Variants in ATAD2B observed in about 807,000 individuals in gnomAD.
ATAD2B encodes ATPase family AAA domain-containing protein 2B.
In ATAD2B, 40 loss-of-function variants were observed where a neutral mutation model predicts 167.6. The ratio of observed to expected loss-of-function variants is 0.24; its 90% CI spans 0.19 to 0.31. The LOEUF is 0.31. Among genes scored for constraint, ATAD2B ranks in the 10% least tolerant of loss-of-function variants. The pLI is 1.00. For missense variants in ATAD2B, 1,242 were observed against 1,757.2 expected, an observed-to-expected ratio of 0.71 and a Z score of 5.24; for synonymous variants, 579 against 596.5, an observed-to-expected ratio of 0.97 and a Z score of 0.43.
At chr2:23,847,256 A>C (rs1224699668) in intron 13 of ATAD2B, among the ~76,000 whole-genome samples, 1 of 150,312 alleles carries the variant, frequency 6.7e-6, no homozygotes. Context: ...CTGTAATCCC[A>C]GCACTTTGGG....
intron 23 of ATAD2B, among the ~76,000 whole-genome samples, chr2:23,763,367 T>C (rs985250299): frequency 1.3e-5 from 2 of 152,220 alleles, no homozygotes; most frequent in Admixed American, 1.3e-4. Context: ...AGATACAATT[T>C]ATATAACATA....
intron 6 of ATAD2B, among the ~76,000 whole-genome samples, chr2:23,881,519 G>A (rs1462625275): frequency 5.3e-5 from 8 of 151,286 alleles, no homozygotes; most frequent in Non-Finnish European, 1.5e-5. Context: ...GTGCCACCAC[G>A]CCCGGCTCAT....
chr2:23,799,300 C>T (rs552664092), intron 18 of ATAD2B, among the ~76,000 whole-genome samples: 11 of 152,170 alleles, frequency 7.2e-5, no homozygotes, highest in African/African-American at 2.4e-4. Context: ...TAGCTGGGCA[C>T]GGTGGCTCAC....
At chr2:23,898,765 G>A (rs1175730448) in intron 1 of ATAD2B, among the ~76,000 whole-genome samples, 2 of 152,202 alleles carry the variant, frequency 1.3e-5, no homozygotes, top group Non-Finnish European at 2.9e-5. Context: ...AACTTTGAGA[G>A]GTCAAGGCAG....
At chr2:23,695,856 C>T in the ATAD2B span, 2 of 1,538,982 alleles carry the variant, frequency 1.3e-6, no homozygotes, top group South Asian at 1.2e-5. The surrounding 1 kb of genome is among the most constrained non-coding windows in gnomAD (Gnocchi z 7.6). Context: ...TCCCAAGAAG[C>T]AGTGTCTTGG....
chr2:23,840,630 T>C (rs1690731122), intron 13 of ATAD2B, among the ~76,000 whole-genome samples: 3 of 152,272 alleles, frequency 2.0e-5, no homozygotes, highest in South Asian at 4.1e-4. Flanking sequence ...AGGCACATTA[T>C]ATGATCAATT....
intron 23 of ATAD2B, among the ~76,000 whole-genome samples, chr2:23,764,486 C>T (rs1466191220): frequency 6.6e-6 from 1 of 152,138 alleles, no homozygotes; most frequent in Non-Finnish European, 1.5e-5. Flanking sequence ...ATCACAAGCT[C>T]CTTAGCATGG....
intron 27 of ATAD2B, 37 bp downstream of exon 27, chr2:23,754,142 A>C: frequency 6.9e-7 from 1 of 1,438,962 alleles, no homozygotes; most frequent in Non-Finnish European, 9.2e-7. Flanking sequence ...AGTAAAATCA[A>C]GTATTTGTTT....
chr2:23,875,746 G>T, intron 8 of ATAD2B, 83 bp downstream of exon 8: 1 of 886,990 alleles, frequency 1.1e-6, no homozygotes, highest in Non-Finnish European at 1.8e-6. Context: ...GATGACAACT[G>T]TTAGTCACTA....
At chr2:23,717,180 G>C in the ATAD2B span, among the ~76,000 whole-genome samples, 3 of 152,186 alleles carry the variant, frequency 2.0e-5, no homozygotes, top group South Asian at 2.1e-4. Flanking sequence ...TAATACCTAC[G>C]AGACTGTGGT....
intron 2 of ATAD2B, among the ~76,000 whole-genome samples, chr2:23,894,052 T>A (rs187938381): frequency 3.8e-4 from 58 of 152,242 alleles, no homozygotes; most frequent in African/African-American, 1.4e-3. Flanking sequence ...ATTAGTTCAG[T>A]TTTTTACTCA....
At chr2:23,887,381 T>C (rs1187220613) in intron 4 of ATAD2B, among the ~76,000 whole-genome samples, 1 of 152,200 alleles carries the variant, frequency 6.6e-6, no homozygotes, top group African/African-American at 2.4e-5. Context: ...TTTTATTTTA[T>C]ATTTTAAACA....
At chr2:23,871,816 C>T (rs1297144602) in intron 8 of ATAD2B, among the ~76,000 whole-genome samples, 2 of 152,158 alleles carry the variant, frequency 1.3e-5, no homozygotes, top group Admixed American at 6.6e-5. Context: ...CTCTACTAAT[C>T]GGAATCCTTT....
In ATAD2B at chr2:23,863,105, G is replaced by A. The variant is rs1010963584; in HGVS notation, c.1479+276C>T. 2.6e-5 allele frequency among the ~76,000 whole-genome samples: 4 copies of A among 152,024 alleles called. No homozygotes were observed. The South Asian group carries it at 6.2e-4, about 24-fold the overall frequency. ...GCAGATTGCTTGAGCCCAGGAGTTC[G>A]AGACCAGCTGGCCAACGTGGTGAAA... On this transcript the variant is annotated intron_variant, in intron 12 of 27. Coordinates refer to ENST00000238789, the MANE Select transcript of ATAD2B (RefSeq NM_017552.4).
At chr2:23,730,540 C>T in the ATAD2B span, among the ~76,000 whole-genome samples, 4 of 151,246 alleles carry the variant, frequency 2.6e-5, no homozygotes, top group African/African-American at 9.7e-5. Flanking sequence ...GTGGTGGGCA[C>T]CTGTAGTCCC....
intron 7 of ATAD2B, among the ~76,000 whole-genome samples, chr2:23,877,338 A>G (rs1697023324): frequency 6.6e-6 from 1 of 150,900 alleles, no homozygotes; most frequent in Admixed American, 6.6e-5. Flanking sequence ...ATATGTATAT[A>G]CAAAAATTAG....
the ATAD2B span, chr2:23,695,489 C>T: frequency 1.5e-6 from 1 of 676,096 alleles, no homozygotes; most frequent in African/African-American, 1.8e-5. The surrounding 1 kb of genome is among the most constrained non-coding windows in gnomAD (Gnocchi z 7.6). Flanking sequence ...TCTAGGCTAG[C>T]AGAGTATCTA....
intron 23 of ATAD2B, 88 bp downstream of exon 23, chr2:23,765,418 C>A: frequency 9.2e-7 from 1 of 1,081,598 alleles, no homozygotes; most frequent in African/African-American, 1.6e-5. Context: ...TTCATAATAC[C>A]AGCAATCCTA....
At chr2:23,696,731 G>A in the ATAD2B span, 5 of 485,800 alleles carry the variant, frequency 1.0e-5, no homozygotes, top group East Asian at 7.5e-5. The surrounding 1 kb of genome is among the most constrained non-coding windows in gnomAD (Gnocchi z 5.5). Context: ...CTTTGCAGTC[G>A]CTGAGATGGG....
Sources: gnomAD v4.1 joint callset for allele counts (sites outside exome capture counted in the v4.1 genomes callset) on GRCh38, gnomAD v4.1.1 for gene constraint, Gnocchi (gnomAD v3.1) non-coding constraint, MANE v1.5 for transcripts, NCBI Gene and HGNC (gene_info 2026-07-23, HGNC 2026-07-21) for gene names.